THSD7B: variants seen among roughly 807,000 people sequenced by gnomAD.
THSD7B encodes thrombospondin type 1 domain containing 7B.
THSD7B carries 138 observed loss-of-function variants against 213.6 expected under a neutral mutation model. The ratio of observed to expected loss-of-function variants is 0.65; its 90% CI spans 0.56 to 0.74. The LOEUF is 0.74. THSD7B is among the 30% of genes least tolerant of loss of function. The pLI is 0.00. For synonymous variants in THSD7B, 742 were observed against 687.0 expected (o/e 1.08, Z -1.25); for missense variants, 1,931 against 1,991.5 (o/e 0.97, Z 0.58).
chr2:137,084,567 C>T (rs1167723410), intron 3 of THSD7B, among the ~76,000 whole-genome samples: 2 of 152,110 alleles, frequency 1.3e-5, no homozygotes, highest in African/African-American at 4.8e-5. Context: ...GAGATCTGAC[C>T]AATGACTTGT....
chr2:137,305,647 G>A (rs965045998), intron 12 of THSD7B, among the ~76,000 whole-genome samples: 9 of 152,112 alleles, frequency 5.9e-5, no homozygotes, highest in Admixed American at 2.6e-4. Context: ...CAATGCAGAT[G>A]AACTACCAAA....
At chr2:137,556,156 G>C (rs1252708900) in intron 15 of THSD7B, among the ~76,000 whole-genome samples, 1 of 152,134 alleles carries the variant, frequency 6.6e-6, no homozygotes, top group Non-Finnish European at 1.5e-5. Context: ...AACCTAGCAA[G>C]ACAGGCCAAC....
chr2:137,661,803 C>T (rs184027151), intron 25 of THSD7B, among the ~76,000 whole-genome samples: 72 of 152,240 alleles, frequency 4.7e-4, no homozygotes, highest in African/African-American at 1.6e-3. Context: ...TTAGGGTGCG[C>T]CATCCACATG....
At chr2:137,649,812 T>G (rs1478807858) in intron 21 of THSD7B, among the ~76,000 whole-genome samples, 1 of 152,140 alleles carries the variant, frequency 6.6e-6, no homozygotes, top group African/African-American at 2.4e-5. Flanking sequence ...ATTTTGAGTT[T>G]CAGCTGGACA....
At chr2:137,388,944 G>A (rs573970708) in intron 12 of THSD7B, among the ~76,000 whole-genome samples, 5 of 151,600 alleles carry the variant, frequency 3.3e-5, no homozygotes, top group Middle Eastern at 3.4e-3. Flanking sequence ...ATTCCATATC[G>A]TTGCAATTAT....
intron 2 of THSD7B, among the ~76,000 whole-genome samples, chr2:136,980,728 T>G (rs566314081): frequency 7.8e-4 from 119 of 152,306 alleles, no homozygotes; most frequent in African/African-American, 2.8e-3. Flanking sequence ...CACAGTTCTG[T>G]CCTTGGGAAC....
intron 3 of THSD7B, among the ~76,000 whole-genome samples, chr2:137,081,899 G>A (rs1408746071): frequency 6.6e-6 from 1 of 152,064 alleles, no homozygotes; most frequent in Non-Finnish European, 1.5e-5. Context: ...GTGGTGATAG[G>A]AAAAGGGCGG....
intron 1 of THSD7B, among the ~76,000 whole-genome samples, chr2:136,849,739 T>A (rs1358624885): frequency 6.6e-6 from 1 of 152,182 alleles, no homozygotes; most frequent in Admixed American, 6.6e-5. Flanking sequence ...CATTTCATTC[T>A]CTAGAGAAAT....
chr2:137,141,800 G>A (rs1300743274), intron 5 of THSD7B, among the ~76,000 whole-genome samples: 2 of 151,908 alleles, frequency 1.3e-5, no homozygotes, highest in African/African-American at 2.4e-5. Flanking sequence ...CTTCCCTGGG[G>A]CAGCCTACTC....
chr2:137,293,122 G>C (rs1419943931), intron 12 of THSD7B, among the ~76,000 whole-genome samples: 2 of 151,680 alleles, frequency 1.3e-5, no homozygotes, highest in African/African-American at 4.9e-5. Flanking sequence ...AACTGCCTTA[G>C]TTTTGTTTTT....
chr2:137,296,114 T>C (rs1357064848), intron 12 of THSD7B, among the ~76,000 whole-genome samples: 4 of 152,192 alleles, frequency 2.6e-5, no homozygotes, highest in African/African-American at 9.6e-5. Context: ...GTGTTGAAAA[T>C]GAGTTTTATT....
At chr2:137,413,842 A>T (rs1052828406) in intron 14 of THSD7B, among the ~76,000 whole-genome samples, 1 of 152,200 alleles carries the variant, frequency 6.6e-6, no homozygotes, top group African/African-American at 2.4e-5. Context: ...AGACTGACTT[A>T]AAAGGGGGAA....
chr2:137,538,504 G>A (rs1379549515), intron 15 of THSD7B: 1 of 517,572 alleles, frequency 1.9e-6, no homozygotes, highest in Admixed American at 2.0e-5. Context: ...GGTTGGTGTT[G>A]CAATCTGTTT....
At chr2:136,775,105 T>C (rs1251062418) in intron 1 of THSD7B, among the ~76,000 whole-genome samples, 4 of 152,128 alleles carry the variant, frequency 2.6e-5, no homozygotes, top group Non-Finnish European at 5.9e-5. Context: ...GATCACTTTA[T>C]TTATATATGT....
chr2:137,334,356 G>T (rs1684590360), intron 12 of THSD7B, among the ~76,000 whole-genome samples: 1 of 152,102 alleles, frequency 6.6e-6, no homozygotes, highest in African/African-American at 2.4e-5. Flanking sequence ...AACTCCACAG[G>T]AGTGAGAAGT....
At chr2:136,773,678 G>A (rs1283686365) in intron 1 of THSD7B, among the ~76,000 whole-genome samples, 1 of 151,958 alleles carries the variant, frequency 6.6e-6, no homozygotes, top group African/African-American at 2.4e-5. Context: ...CATGTGGCTG[G>A]TGGCCACCAT....
intron 17 of THSD7B, among the ~76,000 whole-genome samples, chr2:137,594,494 A>G (rs1681923244): frequency 6.6e-6 from 1 of 151,964 alleles, no homozygotes; most frequent in Non-Finnish European, 1.5e-5. Context: ...TTCAAATTGC[A>G]TTGTTGCCTT....
At chr2:137,622,453 G>A (rs533070722) in intron 20 of THSD7B, among the ~76,000 whole-genome samples, 1 of 152,234 alleles carries the variant, frequency 6.6e-6, no homozygotes, top group South Asian at 2.1e-4. Context: ...AAAGCTAGCA[G>A]AAGGCAAAAA....
In THSD7B at chr2:137,581,778, A is replaced by T. The variant is rs1004273419; in HGVS notation, c.3423+9222A>T. On this transcript the variant is annotated intron_variant, in intron 17 of 27. Coordinates refer to ENST00000409968, the MANE Select transcript of THSD7B (RefSeq NM_001316349.2). The stretch of plus-strand genomic sequence containing the variant: ...CCGTCTCAAAAAAAAAAATAAAAAA[A>T]AAAAAAATAATAATAAATAATAATA... Among the ~76,000 whole-genome samples, 535 of 149,000 alleles carry T rather than the reference A, an allele frequency of 3.6e-3. 2 individuals carry two copies. Among genetic ancestry groups the T allele is most frequent in the African/African-American group, 0.012 (484 of 40,750 alleles).
Sources: allele counts gnomAD v4.1 joint callset (sites outside exome capture counted in the v4.1 genomes callset), GRCh38; gene constraint gnomAD v4.1.1; transcripts MANE v1.5; gene names NCBI Gene and HGNC (gene_info 2026-07-23, HGNC 2026-07-21).